Variants in STRN observed in about 807,000 individuals in gnomAD.
STRN encodes the protein striatin, also known as protein phosphatase 2 regulatory subunit B'''alpha.
In STRN, 53 loss-of-function variants were observed where a neutral mutation model predicts 96.3. That is an observed-to-expected ratio of 0.55 (90% confidence interval 0.44 to 0.69). The LOEUF (loss-of-function observed/expected upper bound fraction) is 0.69, where lower values mean the gene tolerates loss of function less well. Ranked by LOEUF, STRN falls within the 30% of genes least tolerant of loss-of-function variation. STRN has a pLI of 0.00. For synonymous variants in STRN, 428 were observed against 355.9 expected (o/e 1.20, Z -2.28); for missense variants, 987 against 963.9 (o/e 1.02, Z -0.32).
chr2:36,874,865 T>C (rs759887108), intron 10 of STRN, among the ~76,000 whole-genome samples: 2 of 151,852 alleles, frequency 1.3e-5, no homozygotes, highest in Non-Finnish European at 2.9e-5. Flanking sequence ...AGAGAAATAC[T>C]AAATGTTCTC....
chr2:36,871,037 G>A (rs1668748652), intron 10 of STRN, among the ~76,000 whole-genome samples: 1 of 152,096 alleles, frequency 6.6e-6, no homozygotes, highest in African/African-American at 2.4e-5. Context: ...GGATATAAAG[G>A]AAGAGAATAT....
chr2:36,909,668 A>G (rs1292252558), intron 3 of STRN, among the ~76,000 whole-genome samples: 2 of 152,164 alleles, frequency 1.3e-5, no homozygotes, highest in African/African-American at 4.8e-5. Context: ...CTATAAACCC[A>G]TAGATCCAAG....
At chr2:36,923,736 A>G (rs1339407917) in intron 2 of STRN, among the ~76,000 whole-genome samples, 1 of 152,096 alleles carries the variant, frequency 6.6e-6, no homozygotes, top group African/African-American at 2.4e-5. Context: ...TATCCCATTC[A>G]CCAACTTCAA....
chr2:36,892,470 G>A (rs1483344850), intron 7 of STRN, among the ~76,000 whole-genome samples: 1 of 152,132 alleles, frequency 6.6e-6, no homozygotes, highest in East Asian at 1.9e-4. Context: ...TTTATAAATA[G>A]GGTAATCTGT....
intron 15 of STRN, among the ~76,000 whole-genome samples, chr2:36,853,754 G>A (rs1213822141): frequency 6.6e-6 from 1 of 152,098 alleles, no homozygotes; most frequent in Non-Finnish European, 1.5e-5. Flanking sequence ...AAAAAAATAT[G>A]CTAAATTCCA....
intron 4 of STRN, among the ~76,000 whole-genome samples, chr2:36,904,895 G>A (rs1250728866): frequency 6.6e-6 from 1 of 151,800 alleles, no homozygotes; most frequent in African/African-American, 2.4e-5. Flanking sequence ...TTGCAAATTT[G>A]GAGAATTCAA....
chr2:36,922,540 A>AT (rs200975845), intron 2 of STRN, among the ~76,000 whole-genome samples: 2,409 of 150,790 alleles, frequency 0.016, 34 homozygotes, highest in Non-Finnish European at 0.022. Context: ...AAAAAAAAAA[A>AT]ATTAAACCTC....
In STRN at chr2:36,846,387, T is replaced by TTATCTATA. The variant is rs1553390297; in HGVS notation, c.*3068_*3069insTATAGATA. On this transcript the variant is annotated 3_prime_UTR_variant, in exon 18 of 18. Coordinates refer to ENST00000263918, the MANE Select transcript of STRN (RefSeq NM_003162.4). ...CAAAACAGTAAAATGCACCTATGGT[T>TTATCTATA]TATATATATATATATATATATATAT... is the stretch of plus-strand genomic sequence containing the variant. 1.3e-5 allele frequency: 1 copy of TTATCTATA among 78,342 alleles called. No individual in the cohort carries two copies. The highest frequency in any genetic ancestry group is 2.2e-5 in the Non-Finnish European group (1 of 46,196). The allele number at this position is 78,342 out of a possible 1,614,324, so 4.9% of individuals were successfully genotyped here. A position where few individuals can be genotyped will look rare whatever the true frequency, so the allele number is the denominator to read the frequency against.
intron 3 of STRN, among the ~76,000 whole-genome samples, chr2:36,907,110 C>T (rs1221680101): frequency 6.6e-6 from 1 of 152,156 alleles, no homozygotes; most frequent in Non-Finnish European, 1.5e-5. Context: ...CCAAGCTATA[C>T]TATGGTTCTA....
intron 7 of STRN, 136 bp from the exon 8 acceptor site, chr2:36,886,962 T>C (rs972410770): frequency 5.2e-6 from 3 of 580,308 alleles, no homozygotes; most frequent in South Asian, 5.7e-5. Flanking sequence ...ATTCATTTTA[T>C]ATATATAAGT....
chr2:36,931,948 G>A, intron 1 of STRN, among the ~76,000 whole-genome samples: 1 of 151,978 alleles, frequency 6.6e-6, no homozygotes, highest in Non-Finnish European at 1.5e-5. Context: ...AGCCTCCCAA[G>A]TTGCTGGGAC....
intron 10 of STRN, among the ~76,000 whole-genome samples, chr2:36,870,751 T>C (rs1474124146): frequency 6.6e-6 from 1 of 152,206 alleles, no homozygotes; most frequent in African/African-American, 2.4e-5. Context: ...TTCTACAGTA[T>C]ATTCCTTCTA....
At chr2:36,942,479 T>C (rs914762981) in intron 1 of STRN, among the ~76,000 whole-genome samples, 3 of 152,096 alleles carry the variant, frequency 2.0e-5, no homozygotes, top group Non-Finnish European at 4.4e-5. Flanking sequence ...TTTTTCCCTA[T>C]TACAAAATCA....
intron 3 of STRN, among the ~76,000 whole-genome samples, chr2:36,909,123 T>G (rs1298908588): frequency 6.9e-6 from 1 of 145,344 alleles, no homozygotes. Context: ...ACCACTGCAC[T>G]GCAGCCTGGG....
At chr2:36,882,701 C>T (rs1669106842) in intron 9 of STRN, among the ~76,000 whole-genome samples, 1 of 152,072 alleles carries the variant, frequency 6.6e-6, no homozygotes, top group African/African-American at 2.4e-5. Flanking sequence ...CCTGAGAGGT[C>T]AAGGTTGTGG....
intron 3 of STRN, among the ~76,000 whole-genome samples, chr2:36,913,604 T>A (rs1034331688): frequency 3.3e-5 from 5 of 152,242 alleles, no homozygotes; most frequent in African/African-American, 1.2e-4. Context: ...TTGTAATCAC[T>A]TCTTTAACTG....
At chr2:36,900,633 G>C (rs930511198) in intron 5 of STRN, among the ~76,000 whole-genome samples, 2 of 152,144 alleles carry the variant, frequency 1.3e-5, no homozygotes, top group Non-Finnish European at 2.9e-5. Flanking sequence ...GCTCACACCT[G>C]TAATCCCAGC....
At chr2:36,917,715 G>C (rs1389616557) in intron 2 of STRN, among the ~76,000 whole-genome samples, 1 of 152,008 alleles carries the variant, frequency 6.6e-6, no homozygotes, top group African/African-American at 2.4e-5. Flanking sequence ...ATTATAGGCA[G>C]TTGATGTCCT....
At chr2:36,896,634 C>T (rs1280529121) in intron 6 of STRN, among the ~76,000 whole-genome samples, 7 of 152,076 alleles carry the variant, frequency 4.6e-5, no homozygotes, top group Admixed American at 1.3e-4. Flanking sequence ...CTTCAAAAAC[C>T]ATTAGGAGGG....
Sources: gnomAD v4.1 joint callset for allele counts (sites outside exome capture counted in the v4.1 genomes callset) on GRCh38, gnomAD v4.1.1 for gene constraint, MANE v1.5 for transcripts, NCBI Gene and HGNC (gene_info 2026-07-23, HGNC 2026-07-21) for gene names.